Variants in AP2B1 observed in about 807,000 individuals in gnomAD.
AP2B1 encodes the protein adaptor related protein complex 2 subunit beta 1.
In AP2B1, 23 loss-of-function variants were observed where a neutral mutation model predicts 102.0. The observed-to-expected ratio is 0.23, with a 90% CI of 0.16 to 0.32. The LOEUF is 0.32. Among genes scored for constraint, AP2B1 ranks in the 10% least tolerant of loss-of-function variants. The pLI is 1.00. For missense variants in AP2B1, 541 were observed against 1,157.4 expected (o/e 0.47, Z 7.73); for synonymous variants, 381 against 421.2 (o/e 0.90, Z 1.17).
chr17:35,678,265 T>C (rs1276818124), intron 17 of AP2B1, among the ~76,000 whole-genome samples: 1 of 152,226 alleles, frequency 6.6e-6, no homozygotes, highest in East Asian at 1.9e-4. Flanking sequence ...TAAACTTACT[T>C]TTTCTTTCTA....
chr17:35,711,515 C>A (rs1004771152), intron 20 of AP2B1, among the ~76,000 whole-genome samples: 1 of 151,520 alleles, frequency 6.6e-6, no homozygotes, highest in Non-Finnish European at 1.5e-5. Flanking sequence ...ATTGCCCAGG[C>A]TGGAGTGCAG....
chr17:35,632,672 T>A (rs1055110962), intron 9 of AP2B1, among the ~76,000 whole-genome samples: 10 of 152,044 alleles, frequency 6.6e-5, no homozygotes, highest in Non-Finnish European at 1.5e-5. Flanking sequence ...TTTTTTTTTT[T>A]AATCAAAAGC....
intron 1 of AP2B1, among the ~76,000 whole-genome samples, chr17:35,589,745 G>T (rs1216951822): frequency 2.0e-5 from 3 of 152,128 alleles, no homozygotes; most frequent in African/African-American, 7.2e-5. Flanking sequence ...TACTTGTCTG[G>T]TTTGATCTGG....
chr17:35,635,161 C>G (rs951369816), intron 9 of AP2B1, among the ~76,000 whole-genome samples: 2 of 152,202 alleles, frequency 1.3e-5, no homozygotes, highest in African/African-American at 4.8e-5. Context: ...TCAAGCAATT[C>G]TCCTGCCTCA....
rs114572553 is a variant in AP2B1, at chr17:35,674,978, C to A, written c.2324+657C>A. On this transcript the variant is annotated intron_variant, in intron 17 of 21. Coordinates refer to ENST00000610402, the MANE Select transcript of AP2B1 (RefSeq NM_001030006.2). ...AGCCAGACATTTCTAGGTACTGGGG[C>A]TAGAGTAGTGAACCAAACAAAGCTC... Among the ~76,000 whole-genome samples the A allele has an allele frequency of 5.1e-3, 771 of 152,248 alleles. 8 individuals are homozygous for A. The highest frequency in any genetic ancestry group is 0.018 in the African/African-American group (737 of 41,534).
intron 18 of AP2B1, among the ~76,000 whole-genome samples, chr17:35,705,830 C>T (rs1472463475): frequency 1.3e-5 from 2 of 152,156 alleles, no homozygotes; most frequent in African/African-American, 4.8e-5. Context: ...GCGTGAGCCA[C>T]TGTGCCCAGC....
intron 16 of AP2B1, among the ~76,000 whole-genome samples, 185 bp from the exon 17 acceptor site, chr17:35,673,991 A>C (rs1392103906): frequency 6.6e-6 from 1 of 152,210 alleles, no homozygotes; most frequent in Non-Finnish European, 1.5e-5. Context: ...AATTCAGAAA[A>C]TAAGACTCTA....
At chr17:35,673,530 A>G (rs2075635132) in intron 16 of AP2B1, among the ~76,000 whole-genome samples, 1 of 152,120 alleles carries the variant, frequency 6.6e-6, no homozygotes, top group Non-Finnish European at 1.5e-5. Context: ...TAGGCCAGGT[A>G]TACCACAGGT....
chr17:35,640,137 G>A (rs1250611484), intron 11 of AP2B1, among the ~76,000 whole-genome samples: 6 of 151,906 alleles, frequency 3.9e-5, no homozygotes, highest in East Asian at 1.9e-4. Flanking sequence ...GGCTGGTCTT[G>A]AACTCCTGAA....
At chr17:35,719,409 C>T (rs1555591710) in intron 21 of AP2B1, among the ~76,000 whole-genome samples, 1 of 152,046 alleles carries the variant, frequency 6.6e-6, no homozygotes, top group Non-Finnish European at 1.5e-5. Context: ...GACTCTCACC[C>T]CAGCCCTAAC....
At position 35,650,665 on chromosome 17, in the gene AP2B1, A is replaced by G; in HGVS notation, c.1672A>G (p.Thr558Ala). The G allele has an allele frequency of 6.2e-7, 1 of 1,614,138 alleles. No homozygotes were observed. Among genetic ancestry groups the G allele is most frequent in the Non-Finnish European group, 8.5e-7 (1 of 1,180,014 alleles). ...TGAGGAGACGGACCTTATTGAGCCA[A>G]CTCTGCTGGATGAGCTAATCTGCCA... ...ISEETDLIEP[T>A]LLDELICHIG... The change falls in exon 13 of 22, where the codon ACT becomes GCT. Residue 558 changes from threonine (T) to alanine (A), a missense_variant. By Grantham distance (58) the Thr-to-Ala change is moderately conservative. This residue lies in a region of AP2B1 where 106 missense variants were observed against 296.4 expected (regional missense o/e 0.36). Transcript: ENST00000610402.
rs2085487242 is a variant in AP2B1 at position 35,724,525 on chromosome 17, A to T, written c.*826A>T. ...CACTAATTCAGGAATTTGAGTAGAG[A>T]TGGGGAACAAGAACCCAGATGCTGT... On this transcript the variant is annotated 3_prime_UTR_variant, in exon 22 of 22. Transcript: ENST00000610402. The T allele has an allele frequency of 6.6e-6, 1 of 152,216 alleles. No individual in the cohort carries two copies. Among genetic ancestry groups the T allele is most frequent in the South Asian group, 2.1e-4 (1 of 4,826 alleles). 9.4% of individuals were successfully genotyped at this position (152,216 alleles called of 1,614,324 possible). A position where few individuals can be genotyped will look rare whatever the true frequency, so the allele number is the denominator to read the frequency against.
intron 3 of AP2B1, among the ~76,000 whole-genome samples, chr17:35,598,965 T>C (rs1436969185): frequency 6.6e-6 from 1 of 152,202 alleles, no homozygotes; most frequent in African/African-American, 2.4e-5. Flanking sequence ...TGCAAAGCAG[T>C]GGTGGGTAAA....
Position 35,599,766 on chromosome 17 carries a change from C to T in AP2B1, c.143+1431C>T, listed in dbSNP as rs147985028. Among the ~76,000 whole-genome samples, 479 of 151,974 alleles carry T rather than the reference C, an allele frequency of 3.2e-3. 2 individuals are homozygous for T. Among genetic ancestry groups the T allele is most frequent in the African/African-American group, 0.011 (452 of 41,456 alleles). On this transcript the variant is annotated intron_variant, in intron 3 of 21. Coordinates refer to ENST00000610402, the MANE Select transcript of AP2B1 (RefSeq NM_001030006.2). ...TAAAAAAAAATACAAAAAAATTAGC[C>T]GGGCATGGTGGCATGTGCCTGTAAT...
At chr17:35,717,483 A>G (rs376906603) in intron 21 of AP2B1, 134 bp downstream of exon 21, 1 of 1,005,426 alleles carries the variant, frequency 9.9e-7, no homozygotes. Context: ...TAGTCAATGA[A>G]GAAGCTTCCA....
intron 18 of AP2B1, among the ~76,000 whole-genome samples, chr17:35,687,538 C>G (rs1384206464): frequency 1.3e-5 from 2 of 151,144 alleles, no homozygotes; most frequent in Admixed American, 6.6e-5. Flanking sequence ...AATCAGTGTT[C>G]AATGTTTACA....
intron 1 of AP2B1, among the ~76,000 whole-genome samples, chr17:35,592,552 T>C (rs1396988954): frequency 6.6e-6 from 1 of 151,920 alleles, no homozygotes; most frequent in Non-Finnish European, 1.5e-5. Context: ...TTTATTTATT[T>C]ATTTATTTGA....
chr17:35,661,041 C>G (rs1001883572), intron 14 of AP2B1, among the ~76,000 whole-genome samples: 1 of 152,130 alleles, frequency 6.6e-6, no homozygotes, highest in African/African-American at 2.4e-5. Flanking sequence ...GGAAGGCTAT[C>G]AACCAGGCCA....
chr17:35,684,001 T>G (rs1158687242), intron 18 of AP2B1, among the ~76,000 whole-genome samples: 1 of 152,254 alleles, frequency 6.6e-6, no homozygotes, highest in Non-Finnish European at 1.5e-5. Context: ...AAATTTACAC[T>G]ACTTATGTAG....
Sources: allele counts gnomAD v4.1 joint callset (sites outside exome capture counted in the v4.1 genomes callset), GRCh38; gene constraint gnomAD v4.1.1; regional missense constraint gnomAD v4.1.1; transcripts MANE v1.5; gene names NCBI Gene and HGNC (gene_info 2026-07-23, HGNC 2026-07-21).